The following NEDD4L variants were observed in gnomAD, a reference collection of about 807,000 sequenced individuals.
NEDD4L encodes E3 ubiquitin-protein ligase NEDD4-like.
NEDD4L carries 54 observed loss-of-function variants against 148.9 expected under a neutral mutation model. The ratio of observed to expected loss-of-function variants is 0.36; its 90% confidence interval spans 0.29 to 0.45. The LOEUF is 0.45. Ranked by LOEUF, NEDD4L falls within the 20% of genes least tolerant of loss-of-function variation. The pLI is 1.00. For missense variants in NEDD4L, 856 were observed against 1,233.8 expected, an observed-to-expected ratio of 0.69 and a Z score of 4.59; for synonymous variants, 433 against 440.7, an observed-to-expected ratio of 0.98 and a Z score of 0.22.
intron 1 of NEDD4L, among the ~76,000 whole-genome samples, chr18:58,104,665 T>C (rs1050623416): frequency 3.3e-5 from 5 of 152,248 alleles, no homozygotes; most frequent in African/African-American, 1.2e-4. Flanking sequence ...TTTCACTTCC[T>C]TGTACATTTA....
intron 2 of NEDD4L, among the ~76,000 whole-genome samples, chr18:58,201,755 A>G (rs2041440724): frequency 1.3e-5 from 2 of 152,066 alleles, no homozygotes; most frequent in African/African-American, 4.8e-5. Context: ...AAGAGTATGG[A>G]TATATTTGTA....
rs570306396 is a variant in NEDD4L, at chr18:58,319,813, G to T, written c.349-2612G>T. Among the ~76,000 whole-genome samples the T allele has an allele frequency of 3.9e-5, 6 of 152,306 alleles. No homozygotes were observed. In the South Asian group the frequency reaches 1.2e-3, roughly 32 times the overall value. ...CATTGAGTTGGCAGTACTGACAAAT[G>T]ATATGAACGTGTAGAATTGGCCAAT... On this transcript the variant is annotated intron_variant, in intron 6 of 30. Coordinates refer to ENST00000400345, the MANE Select transcript of NEDD4L (RefSeq NM_001144967.3).
At chr18:58,216,507 T>A (rs1431316038) in intron 2 of NEDD4L, among the ~76,000 whole-genome samples, 1 of 151,982 alleles carries the variant, frequency 6.6e-6, no homozygotes, top group Non-Finnish European at 1.5e-5. Context: ...AACACCAAAA[T>A]GGTAACATTC....
intron 1 of NEDD4L, among the ~76,000 whole-genome samples, chr18:58,099,545 C>G (rs1274306373): frequency 6.6e-6 from 1 of 152,150 alleles, no homozygotes; most frequent in East Asian, 1.9e-4. Context: ...AGTGCTATTT[C>G]CTGTTAGAGT....
At chr18:58,051,503 A>G (rs76964793) in intron 1 of NEDD4L, among the ~76,000 whole-genome samples, 2,759 of 151,852 alleles carry the variant, frequency 0.018, 77 homozygotes, top group African/African-American at 0.064. Flanking sequence ...CTAATTTAAT[A>G]ACCTGTTTGC....
In NEDD4L at chr18:58,052,045, TA is replaced by T. The variant is rs771636007; in HGVS notation, c.48+7338del. Among the ~76,000 whole-genome samples, 6 of 152,188 alleles carry T rather than the reference TA, an allele frequency of 3.9e-5. No homozygotes were observed. In the East Asian group the frequency reaches 9.6e-4, roughly 24 times the overall value. ...GCTTGTTGCTGGAATATGGAAATGA[TA>T]GCATAATTTAGAGTTGAGAATAAAA... is the stretch of plus-strand genomic sequence containing the variant. On this transcript the variant is annotated intron_variant, in intron 1 of 30. Transcript: ENST00000400345.
chr18:58,046,168 C>T (rs1487002587), intron 1 of NEDD4L: 2 of 152,180 alleles, frequency 1.3e-5, no homozygotes, highest in Non-Finnish European at 2.9e-5. Context: ...TTTATTTTGC[C>T]TCGCTGTGCT....
chr18:58,260,262 A>G (rs544806955), intron 5 of NEDD4L, among the ~76,000 whole-genome samples: 3 of 152,252 alleles, frequency 2.0e-5, no homozygotes, highest in African/African-American at 2.4e-5. Context: ...GATTCAATCA[A>G]CTTTCTTTCT....
chr18:58,108,204 T>C (rs2085193400), intron 1 of NEDD4L, among the ~76,000 whole-genome samples: 1 of 152,218 alleles, frequency 6.6e-6, no homozygotes, highest in Non-Finnish European at 1.5e-5. Flanking sequence ...ATTTGAGTCA[T>C]TTATTGAACT....
intron 2 of NEDD4L, among the ~76,000 whole-genome samples, chr18:58,235,136 T>A (rs1295015724): frequency 6.6e-6 from 1 of 151,832 alleles, no homozygotes; most frequent in Admixed American, 6.6e-5. Context: ...AAACACTCAG[T>A]GGCAAAGAGG....
chr18:58,072,912 TGAAC>T (rs1225830883), intron 1 of NEDD4L, among the ~76,000 whole-genome samples: 1 of 141,176 alleles, frequency 7.1e-6, no homozygotes, highest in South Asian at 2.2e-4. Context: ...ACACAAATCT[TGAAC>T]TAATAATTGA....
At chr18:58,225,046 G>A (rs567780936) in intron 2 of NEDD4L, among the ~76,000 whole-genome samples, 1 of 152,172 alleles carries the variant, frequency 6.6e-6, no homozygotes, top group South Asian at 2.1e-4. Context: ...TGTGTGTATG[G>A]CAGAGGAATG....
chr18:58,395,771 A>G (rs1006494102), intron 30 of NEDD4L, among the ~76,000 whole-genome samples: 2 of 152,164 alleles, frequency 1.3e-5, no homozygotes, highest in African/African-American at 4.8e-5. Flanking sequence ...TAATAGGGAG[A>G]AAAGCACTTG....
intron 5 of NEDD4L, among the ~76,000 whole-genome samples, chr18:58,264,540 T>C (rs1373052062): frequency 6.6e-6 from 1 of 152,042 alleles, no homozygotes; most frequent in Non-Finnish European, 1.5e-5. Context: ...ACATGTGATA[T>C]CTTGTACCTG....
intron 6 of NEDD4L, among the ~76,000 whole-genome samples, chr18:58,321,909 C>T (rs2058813192): frequency 6.6e-6 from 1 of 152,166 alleles, no homozygotes; most frequent in Non-Finnish European, 1.5e-5. Context: ...TGAACTGAAC[C>T]TCAGCAGAAG....
At chr18:58,206,253 G>A (rs915168342) in intron 2 of NEDD4L, among the ~76,000 whole-genome samples, 11 of 152,126 alleles carry the variant, frequency 7.2e-5, no homozygotes, top group African/African-American at 2.7e-4. Context: ...GCCAGGCATG[G>A]TGGTATATGC....
At chr18:58,212,693 A>G (rs1396672449) in intron 2 of NEDD4L, among the ~76,000 whole-genome samples, 1 of 151,536 alleles carries the variant, frequency 6.6e-6, no homozygotes, top group Admixed American at 6.6e-5. Flanking sequence ...CTGGTCTAGA[A>G]CTCCTGTTCT....
chr18:58,127,918 C>T (rs181010019), intron 1 of NEDD4L, among the ~76,000 whole-genome samples: 187 of 152,120 alleles, frequency 1.2e-3, no homozygotes, highest in Admixed American at 2.6e-3. Flanking sequence ...GCTTTGTCAC[C>T]GAGGCTGGCA....
intron 1 of NEDD4L, among the ~76,000 whole-genome samples, chr18:58,157,185 CAAA>C (rs59302556): frequency 1.1e-4 from 10 of 89,270 alleles, no homozygotes; most frequent in Non-Finnish European, 1.7e-4. Context: ...GACCTTGTCT[CAAA>C]AAAAAAAAAA....
Sources: allele counts gnomAD v4.1 joint callset (sites outside exome capture counted in the v4.1 genomes callset), GRCh38; gene constraint gnomAD v4.1.1; transcripts MANE v1.5; gene names NCBI Gene and HGNC (gene_info 2026-07-23, HGNC 2026-07-21).